METTL24: variants seen among roughly 807,000 people sequenced by gnomAD.
METTL24 encodes methyltransferase like 24.
A neutral mutation model predicts 32.7 loss-of-function variants in METTL24; 29 were observed. The ratio of observed to expected loss-of-function variants is 0.89; its 90% CI spans 0.66 to 1.21. The LOEUF is 1.21. Among genes scored for constraint, METTL24 ranks in the 50% most tolerant of loss-of-function variants. METTL24 has a pLI of 0.00. For missense variants in METTL24, 439 were observed against 468.1 expected, an observed-to-expected ratio of 0.94 and a Z score of 0.57; for synonymous variants, 163 against 179.5, an observed-to-expected ratio of 0.91 and a Z score of 0.73.
Position 110,298,974 on chromosome 6 carries a change from T to C in METTL24, c.734A>G (p.His245Arg), listed in dbSNP as rs41288584. The C allele has an allele frequency of 0.02, 31,891 of 1,614,166 alleles. 401 individuals are homozygous for C. Among genetic ancestry groups the C allele is most frequent in the Non-Finnish European group, 0.024 (28,340 of 1,180,010 alleles). ...GCTTCCCAGTTTTCTGGTGTTGCTATGTGGTTTTTGGGCAGCAACAGCTGG... is the reference window on the plus strand; with the variant it reads ...GCTTCCCAGTTTTCTGGTGTTGCTACGTGGTTTTTGGGCAGCAACAGCTGG... ...PHPAVAAQKP[H>R]SNTRKLGSIL... The change falls in exon 4 of 5, where the codon CAT becomes CGT. Residue 245 changes from histidine to arginine, a missense_variant. Transcript: ENST00000338882.
At chr6:110,273,117 G>A (rs1209381448) in intron 4 of METTL24, among the ~76,000 whole-genome samples, 1 of 152,004 alleles carries the variant, frequency 6.6e-6, no homozygotes, top group African/African-American at 2.4e-5. Context: ...TTAAGTCTTT[G>A]ATCTGTCTTG....
chr6:110,260,024 G>A (rs912434561), intron 4 of METTL24, among the ~76,000 whole-genome samples: 39 of 152,292 alleles, frequency 2.6e-4, no homozygotes, highest in African/African-American at 8.2e-4. Flanking sequence ...AAAAAACAGA[G>A]CAGAAAAACT....
chr6:110,264,969 TTG>T (rs1291422715), intron 4 of METTL24, among the ~76,000 whole-genome samples: 1 of 151,702 alleles, frequency 6.6e-6, no homozygotes, highest in Non-Finnish European at 1.5e-5. Flanking sequence ...CTGGGGCCTG[TTG>T]TGGGGTGGGG....
chr6:110,304,394 C>T (rs990536759), intron 3 of METTL24, among the ~76,000 whole-genome samples: 1 of 152,138 alleles, frequency 6.6e-6, no homozygotes, highest in African/African-American at 2.4e-5. Flanking sequence ...CATGTTCTAA[C>T]CCAATGCAAG....
At position 110,270,288 on chromosome 6, in the gene METTL24, T is replaced by C. The variant is rs575597276; in HGVS notation, c.787-24028A>G. ...TCCTCTATCCTCTTACTCATCCTCCTTCCTTAAAGGAATTGCTGATGCCTG... is the reference window on the plus strand; with the variant it reads ...TCCTCTATCCTCTTACTCATCCTCCCTCCTTAAAGGAATTGCTGATGCCTG... On this transcript the variant is annotated intron_variant, in intron 4 of 4. Transcript: ENST00000338882. Among the ~76,000 whole-genome samples, 21 of 152,190 alleles carry C rather than the reference T, an allele frequency of 1.4e-4. No homozygotes were observed. In the South Asian group the frequency reaches 4.4e-3, roughly 32 times the overall value.
intron 4 of METTL24, among the ~76,000 whole-genome samples, chr6:110,259,200 G>A (rs1162323556): frequency 1.3e-5 from 2 of 152,108 alleles, no homozygotes. Context: ...AAGGGGTCAG[G>A]GAATTCCCTT....
intron 4 of METTL24, among the ~76,000 whole-genome samples, chr6:110,251,775 TAAG>T (rs776022259): frequency 2.0e-5 from 3 of 152,114 alleles, no homozygotes; most frequent in Non-Finnish European, 4.4e-5. Flanking sequence ...AGCCCTTTTA[TAAG>T]GGCACCTAAT....
intron 1 of METTL24, among the ~76,000 whole-genome samples, chr6:110,329,658 G>A (rs1419645166): frequency 6.6e-6 from 1 of 152,194 alleles, no homozygotes; most frequent in East Asian, 1.9e-4. Context: ...GGGGAGTGCC[G>A]GGTGCAGTTT....
chr6:110,263,358 C>G (rs1353356433), intron 4 of METTL24, among the ~76,000 whole-genome samples: 6 of 152,140 alleles, frequency 3.9e-5, no homozygotes, highest in Non-Finnish European at 8.8e-5. Context: ...CATGACTGAA[C>G]TCCCATTCAC....
chr6:110,247,636 C>T (rs916535227), intron 4 of METTL24, among the ~76,000 whole-genome samples: 4 of 152,176 alleles, frequency 2.6e-5, no homozygotes, highest in African/African-American at 9.6e-5. Flanking sequence ...AGAGCAAAGG[C>T]TGTAGCCCCA....
chr6:110,309,716 T>C lies in METTL24; in HGVS notation c.557+5626A>G, dbSNP rs1001448929. 7.9e-5 allele frequency among the ~76,000 whole-genome samples: 12 copies of C among 152,276 alleles called. No individual in the cohort carries two copies. In the East Asian group the frequency reaches 2.3e-3, roughly 29 times the overall value. On this transcript the variant is annotated intron_variant, in intron 3 of 4. Coordinates refer to ENST00000338882, the MANE Select transcript of METTL24 (RefSeq NM_001123364.3). Reference sequence around the variant, plus strand: ...TCACGAGAACAGCATGGGAAAGACCTGCGCCCATGATTCAATTATCTCAAA... The same window carrying C: ...TCACGAGAACAGCATGGGAAAGACCCGCGCCCATGATTCAATTATCTCAAA...
intron 1 of METTL24, among the ~76,000 whole-genome samples, chr6:110,340,580 G>A (rs1232822508): frequency 6.6e-6 from 1 of 152,202 alleles, no homozygotes; most frequent in African/African-American, 2.4e-5. Flanking sequence ...CGACCTTCAT[G>A]AGGATCATGA....
chr6:110,293,895 C>CT (rs59502063), intron 4 of METTL24, among the ~76,000 whole-genome samples: 48 of 146,696 alleles, frequency 3.3e-4, no homozygotes, highest in Non-Finnish European at 4.7e-4. Context: ...GAGCTCTAAT[C>CT]TTTTTTTTTT....
At chr6:110,329,174 T>G (rs1393610233) in intron 1 of METTL24, among the ~76,000 whole-genome samples, 7 of 152,188 alleles carry the variant, frequency 4.6e-5, no homozygotes, top group African/African-American at 1.7e-4. Context: ...AAATGCATGT[T>G]CCCACCCCAG....
chr6:110,258,427 C>T (rs945674193), intron 4 of METTL24, among the ~76,000 whole-genome samples: 3 of 152,100 alleles, frequency 2.0e-5, no homozygotes, highest in African/African-American at 7.2e-5. Context: ...TTATACTGGA[C>T]CTTATGCTTG....
chr6:110,299,953 A>G (rs542108927), intron 3 of METTL24, among the ~76,000 whole-genome samples: 48 of 152,182 alleles, frequency 3.2e-4, no homozygotes, highest in Non-Finnish European at 4.9e-4. Flanking sequence ...TTCTGCCCCA[A>G]TACTGTACTC....
chr6:110,270,837 C>CTTT lies in METTL24; in HGVS notation c.787-24580_787-24578dup, dbSNP rs3075091. On this transcript the variant is annotated intron_variant, in intron 4 of 4. Coordinates refer to ENST00000338882, the MANE Select transcript of METTL24 (RefSeq NM_001123364.3). Reference sequence around the variant, plus strand: ...GAGGAAGAACAGCACCATCTTGATTCTTTTTTTTTTTTTTTTTTGAGGTGG... The same window carrying CTTT: ...GAGGAAGAACAGCACCATCTTGATTCTTTTTTTTTTTTTTTTTTTTTGAGGTGG... Among the ~76,000 whole-genome samples the CTTT allele has an allele frequency of 5.3e-3, 663 of 124,710 alleles. 17 individuals carry two copies. The highest frequency in any genetic ancestry group is 0.017 in the African/African-American group (567 of 32,834). 81.8% of individuals were successfully genotyped at this position (124,710 alleles called of 152,430 possible).
At chr6:110,330,371 AG>A (rs1375549433) in intron 1 of METTL24, among the ~76,000 whole-genome samples, 2 of 152,188 alleles carry the variant, frequency 1.3e-5, no homozygotes, top group East Asian at 3.9e-4. Flanking sequence ...GCACAGTCAC[AG>A]GAAGTGTGAA....
At chr6:110,290,201 G>C (rs936435261) in intron 4 of METTL24, among the ~76,000 whole-genome samples, 4 of 152,084 alleles carry the variant, frequency 2.6e-5, no homozygotes, top group African/African-American at 7.2e-5. Flanking sequence ...ACAGGTGTAA[G>C]CCACCATGCC....
Sources: allele counts gnomAD v4.1 joint callset (sites outside exome capture counted in the v4.1 genomes callset), GRCh38; gene constraint gnomAD v4.1.1; transcripts MANE v1.5; gene names NCBI Gene and HGNC (gene_info 2026-07-23, HGNC 2026-07-21).